The following SORBS2 variants were observed in gnomAD, a reference collection of about 807,000 sequenced individuals.
The protein encoded by SORBS2 is sorbin and SH3 domain-containing protein 2.
Under a neutral mutation model 97.7 loss-of-function variants are expected in SORBS2, and 46 were observed. The observed-to-expected ratio is 0.47, with a 90% CI of 0.37 to 0.60. The LOEUF (loss-of-function observed/expected upper bound fraction) is 0.60, where lower values mean the gene tolerates loss of function less well. Ranked by LOEUF, SORBS2 falls within the 20% of genes least tolerant of loss-of-function variation. SORBS2 has a pLI of 0.00. For synonymous variants in SORBS2, 476 were observed against 473.4 expected (o/e 1.01, Z -0.07); for missense variants, 1,316 against 1,282.3 (o/e 1.03, Z -0.40).
intron 4 of SORBS2, among the ~76,000 whole-genome samples, chr4:185,632,424 T>C (rs1183847618): frequency 6.6e-6 from 1 of 152,204 alleles, no homozygotes; most frequent in Non-Finnish European, 1.5e-5. Flanking sequence ...CTGATATGTG[T>C]ACATGGTTAT....
chr4:185,806,776 A>C (rs1027022552), intron 1 of SORBS2, among the ~76,000 whole-genome samples: 1 of 152,138 alleles, frequency 6.6e-6, no homozygotes, highest in South Asian at 2.1e-4. Flanking sequence ...TGTTTTTGCT[A>C]TAGTTTGTTG....
chr4:185,747,182 C>A (rs1361574712), intron 2 of SORBS2, among the ~76,000 whole-genome samples: 1 of 152,164 alleles, frequency 6.6e-6, no homozygotes, highest in Admixed American at 6.5e-5. Flanking sequence ...AAGAAGGTGG[C>A]CGTCGGCAAG....
intron 1 of SORBS2, among the ~76,000 whole-genome samples, chr4:185,941,223 A>G (rs1455604100): frequency 6.6e-6 from 1 of 152,192 alleles, no homozygotes; most frequent in Non-Finnish European, 1.5e-5. Context: ...ACCATATAAA[A>G]TGGGTCCTAT....
At chr4:185,936,686 CTT>C (rs1022959728) in intron 1 of SORBS2, among the ~76,000 whole-genome samples, 1 of 152,194 alleles carries the variant, frequency 6.6e-6, no homozygotes, top group Non-Finnish European at 1.5e-5. Flanking sequence ...TATTCTGTCT[CTT>C]TGTCAAGTCA....
At chr4:185,741,362 TGCCC>T (rs1562238510) in intron 2 of SORBS2, among the ~76,000 whole-genome samples, 1 of 151,296 alleles carries the variant, frequency 6.6e-6, no homozygotes, top group African/African-American at 2.4e-5. Flanking sequence ...GCCCAAGAGC[TGCCC>T]TCTCCTCACT....
intron 1 of SORBS2, among the ~76,000 whole-genome samples, chr4:185,916,387 T>C (rs1376285814): frequency 2.6e-5 from 4 of 152,220 alleles, no homozygotes; most frequent in Non-Finnish European, 2.9e-5. Context: ...ATTCTGGACA[T>C]GTCAGTCTCA....
chr4:185,708,177 T>C (rs572545731), intron 2 of SORBS2, among the ~76,000 whole-genome samples: 1 of 152,308 alleles, frequency 6.6e-6, no homozygotes, highest in African/African-American at 2.4e-5. Context: ...GAGATGTTCT[T>C]AGATGAACAA....
chr4:185,611,939 C>A, exon 12 of SORBS2: 1 of 1,613,612 alleles, frequency 6.2e-7, no homozygotes, highest in Non-Finnish European at 8.5e-7. Flanking sequence ...TACCTTCATA[C>A]CAGTTTTGAT....
At chr4:185,620,853 A>G (rs965166857) in intron 7 of SORBS2, among the ~76,000 whole-genome samples, 2 of 152,280 alleles carry the variant, frequency 1.3e-5, no homozygotes, top group Non-Finnish European at 2.9e-5. Context: ...AGGGATAAAC[A>G]GAAAGCATCA....
At chr4:185,621,439 C>T (rs13435845) in intron 7 of SORBS2, among the ~76,000 whole-genome samples, 30,226 of 152,124 alleles carry the variant, frequency 0.2, 3,467 homozygotes, top group African/African-American at 0.31. Context: ...AAATGTACTC[C>T]TATCTGCACA....
At chr4:185,763,185 TCAAAAACAAAAA>T (rs59643716) in intron 2 of SORBS2, among the ~76,000 whole-genome samples, 14 of 151,518 alleles carry the variant, frequency 9.2e-5, no homozygotes, top group African/African-American at 2.7e-4. Flanking sequence ...AGAGACTCTC[TCAAAAACAAAAA>T]CAAAAACAAA....
At chr4:185,772,906 G>A (rs564315526) in intron 2 of SORBS2, 4 of 152,278 alleles carry the variant, frequency 2.6e-5, no homozygotes, top group South Asian at 2.1e-4. Flanking sequence ...GGCAACACAG[G>A]CCAAGTTTCG....
intron 12 of SORBS2, among the ~76,000 whole-genome samples, chr4:185,601,764 T>C (rs2096267221): frequency 6.6e-6 from 1 of 151,872 alleles, no homozygotes; most frequent in African/African-American, 2.4e-5. Context: ...GTGAACATAT[T>C]AGGAAAAATC....
rs1329318973 is a variant in SORBS2, at chr4:185,731,900, ATATATATATG to A, written c.-198+43317_-198+43326del. Among the ~76,000 whole-genome samples the A allele has an allele frequency of 3.0e-3, 258 of 85,062 alleles. 2 individuals carry two copies. The highest frequency in any genetic ancestry group is 4.3e-3 in the African/African-American group (88 of 20,324). 55.8% of individuals were successfully genotyped at this position (85,062 alleles called of 152,430 possible). ...TATATATATATATATATATATATAT[ATATATATATG>A]TCTGTTTCTCTGTCTCACTCTAGAT... On this transcript the variant is annotated intron_variant, in intron 2 of 20. Transcript: ENST00000284776.
intron 4 of SORBS2, 59 bp from the exon 8 acceptor site, chr4:185,662,301 T>C (rs1442789212): frequency 6.6e-7 from 1 of 1,507,888 alleles, no homozygotes; most frequent in Non-Finnish European, 9.0e-7. Context: ...TAAACATCAT[T>C]CCATTAGGTG....
chr4:185,768,744 T>C (rs916066104), intron 2 of SORBS2, among the ~76,000 whole-genome samples: 1 of 147,414 alleles, frequency 6.8e-6, no homozygotes, highest in East Asian at 2.0e-4. Context: ...AATTTGATCA[T>C]ATTTAATTGA....
chr4:185,590,951 T>C (rs1220089770), intron 13 of SORBS2, among the ~76,000 whole-genome samples: 1 of 152,222 alleles, frequency 6.6e-6, no homozygotes, highest in Non-Finnish European at 1.5e-5. Flanking sequence ...AATTACCACT[T>C]TCTAGGGTAT....
chr4:185,827,879 C>T (rs1175843745), intron 1 of SORBS2, among the ~76,000 whole-genome samples: 3 of 149,396 alleles, frequency 2.0e-5, no homozygotes, highest in Non-Finnish European at 3.0e-5. Context: ...ATCATCGTCA[C>T]CATCATCAGC....
At chr4:185,918,091 T>C (rs922457610) in intron 1 of SORBS2, 1 of 152,216 alleles carries the variant, frequency 6.6e-6, no homozygotes, top group Non-Finnish European at 1.5e-5. Context: ...GGGTATTTAC[T>C]CAACCAGTGT....
Sources: allele counts gnomAD v4.1 joint callset (sites outside exome capture counted in the v4.1 genomes callset), GRCh38; gene constraint gnomAD v4.1.1; transcripts MANE v1.5; gene names NCBI Gene and HGNC (gene_info 2026-07-23, HGNC 2026-07-21).